The following FOXN3 variants were observed in gnomAD, a reference collection of about 807,000 sequenced individuals.
FOXN3 encodes forkhead box protein N3.
FOXN3 carries 7 observed loss-of-function variants against 38.4 expected under a neutral mutation model. That is an observed-to-expected ratio of 0.18 (90% CI 0.10 to 0.34). The LOEUF is 0.34. Among genes scored for constraint, FOXN3 ranks in the 10% least tolerant of loss-of-function variants. FOXN3 has a pLI of 1.00. For missense variants in FOXN3, 456 were observed against 613.4 expected, an observed-to-expected ratio of 0.74 and a Z score of 2.71; for synonymous variants, 230 against 242.2, an observed-to-expected ratio of 0.95 and a Z score of 0.47.
chr14:89,286,428 C>A (rs1886630637), intron 3 of FOXN3, among the ~76,000 whole-genome samples: 1 of 152,138 alleles, frequency 6.6e-6, no homozygotes, highest in Non-Finnish European at 1.5e-5. Flanking sequence ...GACCAGCCCA[C>A]CCTGATTTAG....
intron 1 of FOXN3, among the ~76,000 whole-genome samples, chr14:89,547,347 C>T (rs1458914400): frequency 1.3e-5 from 2 of 151,982 alleles, no homozygotes; most frequent in Non-Finnish European, 1.5e-5. Context: ...CTCTGCCTCC[C>T]AGGTTCAAGC....
At chr14:89,427,209 A>T (rs1892052655) in intron 1 of FOXN3, among the ~76,000 whole-genome samples, 1 of 145,704 alleles carries the variant, frequency 6.9e-6, no homozygotes, top group African/African-American at 2.5e-5. Context: ...AGCCTGGTCG[A>T]CAGAGTGAGC....
At chr14:89,419,139 A>C (rs1021262843), upstream of FOXN3, 42 of 455,910 alleles carry the variant, frequency 9.2e-5, no homozygotes, top group African/African-American at 7.2e-4. Context: ...CATATTTCTT[A>C]ATTTCTCTCT....
intron 4 of FOXN3, among the ~76,000 whole-genome samples, chr14:89,182,347 T>G (rs1321313244): frequency 6.6e-6 from 1 of 152,210 alleles, no homozygotes; most frequent in East Asian, 1.9e-4. Flanking sequence ...TTTTTGCCAT[T>G]TATTTTCCTG....
intron 4 of FOXN3, among the ~76,000 whole-genome samples, chr14:89,276,502 T>C (rs1429005867): frequency 6.6e-6 from 1 of 151,350 alleles, no homozygotes; most frequent in Non-Finnish European, 1.5e-5. Flanking sequence ...TGGTTTCATC[T>C]GTGCTGAGAG....
intron 3 of FOXN3, among the ~76,000 whole-genome samples, chr14:89,343,330 A>G (rs1007701686): frequency 3.3e-5 from 5 of 152,070 alleles, no homozygotes; most frequent in African/African-American, 9.7e-5. Flanking sequence ...CCTCCTCCCA[A>G]TGCAATTCCC....
chr14:89,251,939 A>G (rs61983085), intron 4 of FOXN3, among the ~76,000 whole-genome samples: 5,341 of 152,354 alleles, frequency 0.035, 204 homozygotes, highest in East Asian at 0.22. Context: ...AAAGCATTCA[A>G]AGACATTTGC....
At chr14:89,191,700 C>A (rs536662207) in intron 4 of FOXN3, among the ~76,000 whole-genome samples, 1 of 150,604 alleles carries the variant, frequency 6.6e-6, no homozygotes, top group East Asian at 1.9e-4. Context: ...TAAAAAGAGG[C>A]CCACAAGCGA....
At chr14:89,320,969 G>A (rs899716313) in intron 3 of FOXN3, among the ~76,000 whole-genome samples, 1 of 152,114 alleles carries the variant, frequency 6.6e-6, no homozygotes, top group African/African-American at 2.4e-5. Context: ...CAAGGGGAAA[G>A]GAACCTTCTT....
intron 1 of FOXN3, among the ~76,000 whole-genome samples, chr14:89,601,782 T>C (rs1469712064): frequency 6.6e-6 from 1 of 152,132 alleles, no homozygotes; most frequent in Non-Finnish European, 1.5e-5. Flanking sequence ...GCTTCTCCCT[T>C]GTTTGTCTAC....
At chr14:89,460,665 CAATT>C (rs1403604439) in intron 1 of FOXN3, among the ~76,000 whole-genome samples, 2 of 152,050 alleles carry the variant, frequency 1.3e-5, no homozygotes, top group African/African-American at 2.4e-5. Flanking sequence ...ATCAATCAAT[CAATT>C]ATTCTACAAG....
chr14:89,607,141 G>T (rs958160468), intron 1 of FOXN3, among the ~76,000 whole-genome samples: 1 of 152,198 alleles, frequency 6.6e-6, no homozygotes, highest in Non-Finnish European at 1.5e-5. Flanking sequence ...GTTGGTGAGG[G>T]TGTTAACTGG....
chr14:89,256,159 C>T (rs886297329), intron 4 of FOXN3, among the ~76,000 whole-genome samples: 2 of 152,178 alleles, frequency 1.3e-5, no homozygotes, highest in Non-Finnish European at 2.9e-5. Flanking sequence ...GCCCTGTCCC[C>T]TCAAGGACAC....
intron 4 of FOXN3, chr14:89,230,830 A>T (rs1220978129): frequency 2.2e-6 from 1 of 455,804 alleles, no homozygotes; most frequent in Admixed American, 2.3e-5. Flanking sequence ...TACAGTGTTC[A>T]GCCTTGTTTC....
At chr14:89,165,104 G>A (rs529814562) in intron 5 of FOXN3, among the ~76,000 whole-genome samples, 30 of 152,256 alleles carry the variant, frequency 2.0e-4, no homozygotes, top group African/African-American at 6.7e-4. Context: ...GTGTGCATTT[G>A]TACACGGAAG....
chr14:89,324,037 G>C (rs1887971961), intron 3 of FOXN3, among the ~76,000 whole-genome samples: 1 of 152,290 alleles, frequency 6.6e-6, no homozygotes, highest in African/African-American at 2.4e-5. Context: ...GTTGCAACCT[G>C]CAACAGACAT....
At chr14:89,201,840 C>T (rs1001285440) in intron 4 of FOXN3, among the ~76,000 whole-genome samples, 10 of 152,318 alleles carry the variant, frequency 6.6e-5, no homozygotes, top group South Asian at 2.1e-4. Flanking sequence ...TAAAAGGGTT[C>T]GTGGTTGCTG....
intron 5 of FOXN3, among the ~76,000 whole-genome samples, chr14:89,180,003 C>T (rs1278451968): frequency 6.6e-6 from 1 of 152,176 alleles, no homozygotes. Flanking sequence ...ACTGGTCTGG[C>T]AGTGGTGGAT....
chr14:89,402,866 T>G (rs981623579), intron 2 of FOXN3, among the ~76,000 whole-genome samples: 1 of 152,228 alleles, frequency 6.6e-6, no homozygotes, highest in African/African-American at 2.4e-5. Context: ...TTAATTGGTT[T>G]TCTACAATAA....
Sources: gnomAD v4.1 joint callset for allele counts (sites outside exome capture counted in the v4.1 genomes callset) on GRCh38, gnomAD v4.1.1 for gene constraint, MANE v1.5 for transcripts, NCBI Gene and HGNC (gene_info 2026-07-23, HGNC 2026-07-21) for gene names.